SPATA17: variants seen among roughly 807,000 people sequenced by gnomAD.
The protein encoded by SPATA17 is spermatogenesis-associated protein 17.
A neutral mutation model predicts 62.2 loss-of-function variants in SPATA17; 53 were observed. That is an observed-to-expected ratio of 0.85 (90% confidence interval 0.68 to 1.07). The LOEUF (loss-of-function observed/expected upper bound fraction) is 1.07, where lower values mean the gene tolerates loss of function less well. Among genes scored for constraint, SPATA17 ranks in the 50% least tolerant of loss-of-function variants. The probability of loss-of-function intolerance (pLI) is 0.00; values close to 1 mark genes in which losing one functional copy is unlikely to be tolerated. For missense variants in SPATA17, 466 were observed against 425.5 expected (o/e 1.10, Z -0.84); for synonymous variants, 146 against 146.8 (o/e 0.99, Z 0.04).
At chr1:217,833,697 A>G (rs1368221409) in intron 9 of SPATA17, among the ~76,000 whole-genome samples, 1 of 152,200 alleles carries the variant, frequency 6.6e-6, no homozygotes, top group African/African-American at 2.4e-5. Flanking sequence ...TTTTCTTCAG[A>G]AATAATCTTA....
At chr1:217,788,528 A>T (rs907531139) in intron 8 of SPATA17, among the ~76,000 whole-genome samples, 89 of 152,096 alleles carry the variant, frequency 5.9e-4, no homozygotes, top group African/African-American at 2.0e-3. Context: ...CAGTTTTGTA[A>T]TTCAAAGGTC....
intron 9 of SPATA17, among the ~76,000 whole-genome samples, chr1:217,832,772 G>A (rs1447933617): frequency 6.6e-6 from 1 of 152,052 alleles, no homozygotes; most frequent in African/African-American, 2.4e-5. Context: ...GCAAAACTCT[G>A]TCTCTACAAA....
intron 9 of SPATA17, among the ~76,000 whole-genome samples, chr1:217,808,373 ACACACACACCCC>A (rs376349265): frequency 0.15 from 17,299 of 114,826 alleles, 1,059 homozygotes; most frequent in Non-Finnish European, 0.19. Context: ...ACACACACAC[ACACACACACCCC>A]CCTCAGAATT....
At chr1:217,847,474 A>C (rs573723857) in intron 9 of SPATA17, among the ~76,000 whole-genome samples, 3 of 152,102 alleles carry the variant, frequency 2.0e-5, no homozygotes, top group Non-Finnish European at 4.4e-5. Flanking sequence ...CAGAAAATAG[A>C]GCTTTTAGAA....
At chr1:217,648,390 G>C (rs1670236789) in intron 1 of SPATA17, among the ~76,000 whole-genome samples, 1 of 152,062 alleles carries the variant, frequency 6.6e-6, no homozygotes, top group Non-Finnish European at 1.5e-5. Context: ...TAATTAAACA[G>C]ACTTTCTGAG....
At chr1:217,677,955 G>A (rs116472397) in intron 4 of SPATA17, among the ~76,000 whole-genome samples, 7,668 of 152,048 alleles carry the variant, frequency 0.05, 254 homozygotes, top group Middle Eastern at 0.12. Context: ...ACGTGACAAT[G>A]CAATGATACC....
chr1:217,696,664 G>C (rs541990679), intron 5 of SPATA17, among the ~76,000 whole-genome samples: 1 of 151,936 alleles, frequency 6.6e-6, no homozygotes. Context: ...TATTGTTCTG[G>C]TTGTTTGTAT....
At chr1:217,824,429 TTCTCCA>T (rs749790518) in intron 9 of SPATA17, among the ~76,000 whole-genome samples, 63 of 151,634 alleles carry the variant, frequency 4.2e-4, no homozygotes, top group Non-Finnish European at 7.2e-4. Flanking sequence ...GTACAATAAA[TTCTCCA>T]TCAGTTTAGA....
At chr1:217,794,485 A>C (rs1347617630) in intron 8 of SPATA17, among the ~76,000 whole-genome samples, 1 of 152,188 alleles carries the variant, frequency 6.6e-6, no homozygotes, top group Non-Finnish European at 1.5e-5. Context: ...TAAACCAGAG[A>C]TTGCAAACTA....
intron 1 of SPATA17, among the ~76,000 whole-genome samples, chr1:217,644,242 G>A (rs1049295537): frequency 6.6e-6 from 1 of 152,072 alleles, no homozygotes; most frequent in African/African-American, 2.4e-5. Flanking sequence ...TAAAACATAG[G>A]TTCTAGTTCT....
intron 9 of SPATA17, among the ~76,000 whole-genome samples, chr1:217,833,591 T>C (rs1675195995): frequency 6.6e-6 from 1 of 152,208 alleles, no homozygotes. Flanking sequence ...GAAATCTTTT[T>C]GCCGACTTTA....
intron 9 of SPATA17, among the ~76,000 whole-genome samples, chr1:217,833,749 T>C (rs539845782): frequency 1.3e-5 from 2 of 152,308 alleles, no homozygotes; most frequent in African/African-American, 4.8e-5. Flanking sequence ...TCTGACCTTT[T>C]AGAAAATTCA....
At chr1:217,792,559 A>G (rs1322317789) in intron 8 of SPATA17, among the ~76,000 whole-genome samples, 2 of 152,156 alleles carry the variant, frequency 1.3e-5, no homozygotes, top group Non-Finnish European at 2.9e-5. Context: ...CTAATTCAAT[A>G]TAACCTTCCA....
chr1:217,826,116 C>CA (rs1295222933), intron 9 of SPATA17, among the ~76,000 whole-genome samples: 4 of 152,100 alleles, frequency 2.6e-5, no homozygotes, highest in Non-Finnish European at 5.9e-5. Flanking sequence ...CACAATTGTG[C>CA]AGGCTCTAAC....
chr1:217,705,117 C>G (rs565345268), intron 5 of SPATA17, among the ~76,000 whole-genome samples: 1 of 152,248 alleles, frequency 6.6e-6, no homozygotes, highest in East Asian at 1.9e-4. Context: ...GAGATAGTAT[C>G]TAATTGTGGT....
intron 6 of SPATA17, among the ~76,000 whole-genome samples, chr1:217,752,330 A>T (rs12034599): frequency 0.28 from 42,380 of 152,068 alleles, 6,328 homozygotes; most frequent in East Asian, 0.53. Context: ...ACCTGGCAAT[A>T]TTTTTTATAA....
intron 9 of SPATA17, among the ~76,000 whole-genome samples, chr1:217,811,505 AAAAT>A (rs1415048331): frequency 1.3e-5 from 2 of 151,932 alleles, no homozygotes; most frequent in Non-Finnish European, 2.9e-5. Context: ...CTTATCTCTT[AAAAT>A]AAACAACAAC....
chr1:217,701,275 A>G (rs1354804861), intron 5 of SPATA17, among the ~76,000 whole-genome samples: 1 of 151,852 alleles, frequency 6.6e-6, no homozygotes, highest in Non-Finnish European at 1.5e-5. Context: ...CACCTGGCCT[A>G]TTCACATATA....
chr1:217,636,587 T>C (rs939755208), intron 1 of SPATA17, among the ~76,000 whole-genome samples: 1 of 151,990 alleles, frequency 6.6e-6, no homozygotes, highest in African/African-American at 2.4e-5. Context: ...TAATTTTTTT[T>C]TCTTTTTTGC....
Sources: allele counts gnomAD v4.1 joint callset (sites outside exome capture counted in the v4.1 genomes callset), GRCh38; gene constraint gnomAD v4.1.1; transcripts MANE v1.5; gene names NCBI Gene and HGNC (gene_info 2026-07-23, HGNC 2026-07-21).